The following INPP5A variants were observed in gnomAD, a reference collection of about 807,000 sequenced individuals.
INPP5A encodes the protein inositol polyphosphate-5-phosphatase A.
Under a neutral mutation model 65.2 loss-of-function variants are expected in INPP5A, and 14 were observed. That is an observed-to-expected ratio of 0.21 (90% confidence interval 0.14 to 0.34). The LOEUF (loss-of-function observed/expected upper bound fraction) is 0.34. INPP5A is among the 10% of genes least tolerant of loss of function. INPP5A has a pLI of 1.00. For missense variants in INPP5A, 431 were observed against 545.6 expected (o/e 0.79, Z 2.09); for synonymous variants, 207 against 208.3 (o/e 0.99, Z 0.05).
At chr10:132,572,525 G>T (rs1260288693) in intron 1 of INPP5A, among the ~76,000 whole-genome samples, 1 of 152,002 alleles carries the variant, frequency 6.6e-6, no homozygotes, top group Admixed American at 6.6e-5. Flanking sequence ...GGATGCTGAG[G>T]CTGCCCAGGG....
intron 1 of INPP5A, among the ~76,000 whole-genome samples, chr10:132,539,697 C>T (rs1488642538): frequency 2.0e-5 from 3 of 152,048 alleles, no homozygotes; most frequent in East Asian, 1.9e-4. Context: ...CCCTCCCTCC[C>T]TCCCTCCCTA....
At chr10:132,776,316 C>T (rs1056814108) in intron 12 of INPP5A, among the ~76,000 whole-genome samples, 6 of 152,094 alleles carry the variant, frequency 3.9e-5, no homozygotes, top group Non-Finnish European at 7.4e-5. Context: ...CTGGAGCGCG[C>T]GGAGGATGGG....
rs990628879 is a variant in INPP5A at position 132,753,351 on chromosome 10, G to A, written c.903+3506G>A. Reference sequence around the variant, plus strand: ...AACTCTCCGTCCGCAGGATGGATGTGCCTGCGCCGGTCGCAGCCCCAAGTC... The same window carrying A: ...AACTCTCCGTCCGCAGGATGGATGTACCTGCGCCGGTCGCAGCCCCAAGTC... On this transcript the variant is annotated intron_variant, in intron 11 of 15. Transcript: ENST00000368594. This position sits in a 1 kb window ranked among gnomAD's most constrained non-coding sequence, Gnocchi z 5.3. Among the ~76,000 whole-genome samples, 8 of 152,212 alleles carry A rather than the reference G, an allele frequency of 5.3e-5. No individual in the cohort carries two copies. Among genetic ancestry groups the A allele is most frequent in the African/African-American group, 1.9e-4 (8 of 41,452 alleles).
At chr10:132,590,457 C>T (rs1218198973) in intron 1 of INPP5A, among the ~76,000 whole-genome samples, 2 of 152,166 alleles carry the variant, frequency 1.3e-5, no homozygotes, top group South Asian at 2.1e-4. Context: ...TGTCCAACAC[C>T]TCCTGGGGCA....
Position 132,551,730 on chromosome 10 carries a change from C to T in INPP5A, c.75+13559C>T, listed in dbSNP as rs567698890. The stretch of plus-strand genomic sequence containing the variant: ...GAGGCCTGGGCCCAGGCTGGAGGGA[C>T]GTGGGGTGGGAATGGGCCTGACCAG... On this transcript the variant is annotated intron_variant, in intron 1 of 15. Coordinates refer to ENST00000368594, the MANE Select transcript of INPP5A (RefSeq NM_005539.5). This position sits in a 1 kb window ranked among gnomAD's most constrained non-coding sequence, Gnocchi z 5.3. Among the ~76,000 whole-genome samples the T allele has an allele frequency of 1.8e-3, 270 of 152,196 alleles. 8 individuals are homozygous for T. The South Asian group carries it at 0.054, about 31-fold the overall frequency.
At chr10:132,720,836 T>C (rs1845859569) in intron 8 of INPP5A, among the ~76,000 whole-genome samples, 3 of 150,542 alleles carry the variant, frequency 2.0e-5, no homozygotes, top group Non-Finnish European at 4.4e-5. Context: ...GTACCTGGGT[T>C]CTGTCTGGGC....
intron 8 of INPP5A, among the ~76,000 whole-genome samples, chr10:132,719,124 A>C (rs1187846193): frequency 7.2e-5 from 9 of 124,884 alleles, no homozygotes; most frequent in Non-Finnish European, 1.4e-4. Context: ...GACTGTCTTC[A>C]GGGTTCTGTG....
rs1173898124 is a variant in INPP5A, at chr10:132,550,849, T to C, written c.75+12678T>C. Among the ~76,000 whole-genome samples, 5 of 152,208 alleles carry C rather than the reference T, an allele frequency of 3.3e-5. No homozygotes were observed. In the East Asian group the frequency reaches 9.6e-4, roughly 29 times the overall value. ...CAGGGGCGGTTCTGCCAGACATAGC[T>C]GTTGTCTCTTTGGCCACCAACTGGC... On this transcript the variant is annotated intron_variant, in intron 1 of 15. Transcript: ENST00000368594. This position sits in a 1 kb window ranked among gnomAD's most constrained non-coding sequence, Gnocchi z 4.2.
At chr10:132,718,172 G>A (rs1845779350) in intron 8 of INPP5A, among the ~76,000 whole-genome samples, 1 of 142,182 alleles carries the variant, frequency 7.0e-6, no homozygotes, top group South Asian at 2.3e-4. Flanking sequence ...GTGGTACCTG[G>A]GTTCTGTCTG....
At chr10:132,628,465 G>T (rs1011428988) in intron 2 of INPP5A, among the ~76,000 whole-genome samples, 14 of 56,200 alleles carry the variant, frequency 2.5e-4, no homozygotes, top group African/African-American at 8.7e-4. Context: ...TCTGGTGGCG[G>T]GGGGGGGGGG....
At chr10:132,732,688 G>A (rs1315798566) in intron 9 of INPP5A, among the ~76,000 whole-genome samples, 1 of 152,176 alleles carries the variant, frequency 6.6e-6, no homozygotes, top group African/African-American at 2.4e-5. Flanking sequence ...ACCACGGGGA[G>A]GACCCTGAGG....
At chr10:132,708,089 A>AC (rs918801285) in intron 6 of INPP5A, among the ~76,000 whole-genome samples, 1 of 151,804 alleles carries the variant, frequency 6.6e-6, no homozygotes, top group African/African-American at 2.4e-5. Flanking sequence ...CCCCCACCCC[A>AC]CCCCAGGCTG....
chr10:132,633,712 C>A (rs1360532731), intron 2 of INPP5A, among the ~76,000 whole-genome samples: 1 of 152,242 alleles, frequency 6.6e-6, no homozygotes, highest in Non-Finnish European at 1.5e-5. Context: ...CACTCGAAGG[C>A]CCTGGGGGTG....
chr10:132,629,316 G>A (rs2072234000), intron 2 of INPP5A, among the ~76,000 whole-genome samples: 1 of 152,208 alleles, frequency 6.6e-6, no homozygotes, highest in Non-Finnish European at 1.5e-5. Flanking sequence ...CTCTGTTGTA[G>A]GGCAGTGCGC....
chr10:132,636,438 A>C (rs2072353591), intron 2 of INPP5A, among the ~76,000 whole-genome samples: 1 of 152,202 alleles, frequency 6.6e-6, no homozygotes, highest in East Asian at 1.9e-4. Context: ...CAGCCACGTC[A>C]CAAAACTGCA....
intron 1 of INPP5A, among the ~76,000 whole-genome samples, chr10:132,544,916 C>T (rs1327410439): frequency 6.6e-6 from 1 of 152,016 alleles, no homozygotes; most frequent in Non-Finnish European, 1.5e-5. Flanking sequence ...TTTAGATCAC[C>T]CGGGTTAGGG....
At chr10:132,690,288 T>C in intron 4 of INPP5A, 104 bp from the exon 5 acceptor site, 1 of 785,328 alleles carries the variant, frequency 1.3e-6, no homozygotes, top group Non-Finnish European at 2.2e-6. Context: ...CTGGTGAAAC[T>C]CTTGCTCTAG....
chr10:132,688,648 T>C (rs1469387887), intron 4 of INPP5A, among the ~76,000 whole-genome samples: 1 of 149,102 alleles, frequency 6.7e-6, no homozygotes, highest in Non-Finnish European at 1.5e-5. Context: ...TGCATGAGTG[T>C]GTGTGCAAGT....
At chr10:132,765,241 CAG>C (rs985528082) in intron 11 of INPP5A, among the ~76,000 whole-genome samples, 47 of 152,306 alleles carry the variant, frequency 3.1e-4, no homozygotes, top group African/African-American at 8.9e-4. Flanking sequence ...GGAAGAGTCT[CAG>C]GGGGCAAGGC....
Sources: gnomAD v4.1 joint callset for allele counts (sites outside exome capture counted in the v4.1 genomes callset) on GRCh38, gnomAD v4.1.1 for gene constraint, Gnocchi (gnomAD v3.1) non-coding constraint, MANE v1.5 for transcripts, NCBI Gene and HGNC (gene_info 2026-07-23, HGNC 2026-07-21) for gene names.